The following EIF4G3 variants were observed in gnomAD, a reference collection of about 807,000 sequenced individuals.
EIF4G3 encodes eIF-4-gamma 3.
A neutral mutation model predicts 186.4 loss-of-function variants in EIF4G3; 34 were observed. The observed-to-expected ratio is 0.18, with a 90% CI of 0.14 to 0.24. The LOEUF (loss-of-function observed/expected upper bound fraction) is 0.24. Among genes scored for constraint, EIF4G3 ranks in the 10% least tolerant of loss-of-function variants. EIF4G3 has a pLI of 1.00. For synonymous variants in EIF4G3, 673 were observed against 679.5 expected (o/e 0.99, Z 0.15); for missense variants, 1,536 against 1,948.5 (o/e 0.79, Z 3.99).
At chr1:20,901,633 A>C (rs901667115) in intron 15 of EIF4G3, among the ~76,000 whole-genome samples, 1 of 152,234 alleles carries the variant, frequency 6.6e-6, no homozygotes, top group Non-Finnish European at 1.5e-5. Context: ...AACTAGTTCT[A>C]TGAATAACAA....
intron 3 of EIF4G3, among the ~76,000 whole-genome samples, chr1:21,058,354 C>T (rs957343130): frequency 1.3e-5 from 2 of 152,078 alleles, no homozygotes; most frequent in African/African-American, 2.4e-5. Context: ...GCTACTTCTT[C>T]AAAATTTTCA....
intron 4 of EIF4G3, chr1:21,003,749 C>A: frequency 4.4e-6 from 2 of 453,144 alleles, no homozygotes; most frequent in South Asian, 1.6e-5. Flanking sequence ...CTGTGAGGTT[C>A]ACAACAATTT....
chr1:20,811,557 A>T (rs988217049), intron 35 of EIF4G3, among the ~76,000 whole-genome samples: 2 of 152,228 alleles, frequency 1.3e-5, no homozygotes, highest in Non-Finnish European at 2.9e-5. Context: ...AAAACTATGG[A>T]GGGGATGCAT....
At chr1:20,848,281 C>A (rs1339890409) in intron 29 of EIF4G3, among the ~76,000 whole-genome samples, 1 of 152,084 alleles carries the variant, frequency 6.6e-6, no homozygotes, top group Admixed American at 6.6e-5. Context: ...AACAAATAAT[C>A]TTGAAAGAAT....
At chr1:21,057,391 TAAG>T (rs2094608360) in intron 3 of EIF4G3, among the ~76,000 whole-genome samples, 1 of 152,040 alleles carries the variant, frequency 6.6e-6, no homozygotes, top group South Asian at 2.1e-4. Context: ...AGTAAAAGAT[TAAG>T]AAGAATATAT....
intron 33 of EIF4G3, among the ~76,000 whole-genome samples, chr1:20,823,875 A>G (rs2154546607): frequency 6.6e-6 from 1 of 152,356 alleles, no homozygotes; most frequent in Admixed American, 6.5e-5. Flanking sequence ...AATGAACACC[A>G]AGTGTCAACT....
chr1:21,025,313 G>A (rs2091900102), intron 4 of EIF4G3, among the ~76,000 whole-genome samples: 1 of 152,046 alleles, frequency 6.6e-6, no homozygotes, highest in African/African-American at 2.4e-5. Flanking sequence ...CATCCAATTT[G>A]TTTAAAAAAG....
At position 20,810,114 on chromosome 1, in the gene EIF4G3, C is replaced by T. The variant is rs1272971193; in HGVS notation, c.4744+624G>A. The stretch of plus-strand genomic sequence containing the variant: ...GCTTTCTGAGTAGCTGTAGCTGGGA[C>T]TACAGGCACATGCCACCACACCTAG... On this transcript the variant is annotated intron_variant, in intron 36 of 36. Coordinates refer to ENST00000602326, the MANE Select transcript of EIF4G3 (RefSeq NM_001391906.1). This position sits in a 1 kb window ranked among gnomAD's most constrained non-coding sequence, Gnocchi z 4.1. Among the ~76,000 whole-genome samples the T allele has an allele frequency of 6.6e-6, 1 of 150,950 alleles. No individual in the cohort carries two copies. The highest frequency in any genetic ancestry group is 6.6e-5 in the Admixed American group (1 of 15,166).
intron 30 of EIF4G3, among the ~76,000 whole-genome samples, chr1:20,830,912 A>G (rs2064984016): frequency 6.6e-6 from 1 of 152,198 alleles, no homozygotes; most frequent in East Asian, 1.9e-4. Flanking sequence ...TAAAAGAAAA[A>G]TCTTGAGTGT....
intron 14 of EIF4G3, among the ~76,000 whole-genome samples, chr1:20,911,560 CAAAAAAAAAAAAAAAAA>C (rs60071144): frequency 2.5e-5 from 1 of 40,698 alleles, no homozygotes; most frequent in Admixed American, 4.1e-4. Context: ...GACCCTGCCT[CAAAAAAAAAAAAAAAAA>C]AAAAAAAAAA....
chr1:21,026,931 T>G (rs1212906816), intron 4 of EIF4G3, among the ~76,000 whole-genome samples: 1 of 122,200 alleles, frequency 8.2e-6, no homozygotes, highest in Admixed American at 9.1e-5. Context: ...AGGGAGACAC[T>G]GTCTCAAAAA....
chr1:20,955,383 C>T (rs1209546349), intron 12 of EIF4G3, among the ~76,000 whole-genome samples: 2 of 152,038 alleles, frequency 1.3e-5, no homozygotes, highest in Non-Finnish European at 2.9e-5. Flanking sequence ...AGGTGTGTAC[C>T]AACATGCCCA....
chr1:21,065,113 A>G (rs531697851), intron 3 of EIF4G3: 7 of 152,342 alleles, frequency 4.6e-5, no homozygotes, highest in African/African-American at 1.2e-4. Flanking sequence ...ATCCAAGGTA[A>G]GTGAATTCTA....
chr1:21,048,603 G>A (rs34513568), intron 4 of EIF4G3, among the ~76,000 whole-genome samples: 3,131 of 152,228 alleles, frequency 0.021, 60 homozygotes, highest in Non-Finnish European at 0.027. Flanking sequence ...ACAGTACCCA[G>A]CAGCCAAGAG....
chr1:21,054,754 TCAA>T (rs1321933396), intron 3 of EIF4G3, among the ~76,000 whole-genome samples: 1 of 152,200 alleles, frequency 6.6e-6, no homozygotes, highest in Non-Finnish European at 1.5e-5. Context: ...ACTCTAACCT[TCAA>T]ATCACTTATA....
At chr1:21,030,650 C>T (rs2092657447) in intron 4 of EIF4G3, among the ~76,000 whole-genome samples, 1 of 152,200 alleles carries the variant, frequency 6.6e-6, no homozygotes, top group Non-Finnish European at 1.5e-5. Flanking sequence ...ATACAAACCA[C>T]ACAAGTAAGT....
rs568587371 is a variant in EIF4G3 at position 21,133,042 on chromosome 1, C to T, written c.-272+43133G>A. ...CAAGCGATCCACCCACCTCGGCCTC[C>T]CCAAGTGCTGGGATTATAGGTGTGA... On this transcript the variant is annotated intron_variant, in intron 2 of 36. Transcript: ENST00000602326. Among the ~76,000 whole-genome samples, 4 of 152,274 alleles carry T rather than the reference C, an allele frequency of 2.6e-5. No homozygotes were observed. The South Asian group carries it at 8.3e-4, about 32-fold the overall frequency.
intron 27 of EIF4G3, among the ~76,000 whole-genome samples, chr1:20,852,878 T>C (rs2073789979): frequency 6.6e-6 from 1 of 151,968 alleles, no homozygotes. Context: ...ATCAAACTTA[T>C]TACAATAATA....
chr1:21,026,176 A>T (rs2092055377), intron 4 of EIF4G3, among the ~76,000 whole-genome samples: 1 of 152,238 alleles, frequency 6.6e-6, no homozygotes. Flanking sequence ...TGAAAAGTGC[A>T]GTACTGGTGT....
Sources: allele counts gnomAD v4.1 joint callset (sites outside exome capture counted in the v4.1 genomes callset), GRCh38; gene constraint gnomAD v4.1.1; non-coding constraint Gnocchi (gnomAD v3.1); transcripts MANE v1.5; gene names NCBI Gene and HGNC (gene_info 2026-07-23, HGNC 2026-07-21).